Variants in SYT3 observed in about 807,000 individuals in gnomAD.
SYT3 encodes synaptotagmin 3.
SYT3 carries 25 observed loss-of-function variants against 50.6 expected under a neutral mutation model. The observed-to-expected ratio is 0.49, with a 90% CI of 0.36 to 0.69. SYT3 has a LOEUF of 0.69. SYT3 is among the 30% of genes least tolerant of loss of function. The pLI, the probability that SYT3 is intolerant of heterozygous loss-of-function variation, is 0.00. For missense variants in SYT3, 589 were observed against 793.6 expected, an observed-to-expected ratio of 0.74 and a Z score of 3.10; for synonymous variants, 323 against 353.9, an observed-to-expected ratio of 0.91 and a Z score of 0.98.
chr19:50,656,669 G>A, the SYT3 span, among the ~76,000 whole-genome samples: 10 of 152,142 alleles, frequency 6.6e-5, no homozygotes, highest in Non-Finnish European at 1.5e-4. Context: ...AAGCCCATGT[G>A]TGTCGGGTGC....
the SYT3 span, among the ~76,000 whole-genome samples, chr19:50,654,549 A>T: frequency 6.6e-6 from 1 of 151,852 alleles, no homozygotes; most frequent in East Asian, 1.9e-4. Flanking sequence ...TGCCCGCTTC[A>T]GCCTCCCAAA....
the SYT3 span, chr19:50,658,073 A>G: frequency 1.3e-6 from 2 of 1,536,010 alleles, no homozygotes; most frequent in South Asian, 2.4e-5. Flanking sequence ...GCGCGTGAGC[A>G]GCATCCGCTT....
intron 6 of SYT3, among the ~76,000 whole-genome samples, chr19:50,628,903 C>G (rs1220427068): frequency 2.0e-5 from 3 of 151,036 alleles, no homozygotes; most frequent in African/African-American, 7.3e-5. Context: ...CTGCTCACCA[C>G]AACCTCCACT....
chr19:50,640,077 G>A (rs1214308674), upstream of SYT3, among the ~76,000 whole-genome samples: 2 of 152,198 alleles, frequency 1.3e-5, no homozygotes, highest in Non-Finnish European at 2.9e-5. Context: ...CCAGGGTCCG[G>A]GGGCCCAGTT....
At chr19:50,657,852 T>G in the SYT3 span, 1 of 1,159,412 alleles carries the variant, frequency 8.6e-7, no homozygotes, top group Non-Finnish European at 1.2e-6. Flanking sequence ...TACCCTGGGA[T>G]TAAGAGCGAT....
intron 6 of SYT3, among the ~76,000 whole-genome samples, chr19:50,628,972 T>C (rs924699051): frequency 6.6e-6 from 1 of 151,994 alleles, no homozygotes; most frequent in Non-Finnish European, 1.5e-5. Flanking sequence ...TACAGGCATG[T>C]GCCACCATGC....
intron 6 of SYT3, among the ~76,000 whole-genome samples, chr19:50,629,043 C>G (rs1424377267): frequency 6.6e-6 from 1 of 151,992 alleles, no homozygotes; most frequent in African/African-American, 2.4e-5. Flanking sequence ...AGGCTGGTCT[C>G]GAACTCCCAA....
chr19:50,627,766 A>C (rs540734111), intron 6 of SYT3, among the ~76,000 whole-genome samples: 1 of 152,096 alleles, frequency 6.6e-6, no homozygotes, highest in East Asian at 1.9e-4. Flanking sequence ...AGAATGTATG[A>C]ATCAATGGAA....
intron 3 of SYT3, among the ~76,000 whole-genome samples, chr19:50,635,403 C>T (rs534420462): frequency 3.2e-4 from 49 of 152,330 alleles, no homozygotes; most frequent in African/African-American, 1.1e-3. Context: ...AAACATGAAT[C>T]CCACAAACCC....
At chr19:50,651,856 G>C in the SYT3 span, among the ~76,000 whole-genome samples, 1 of 152,134 alleles carries the variant, frequency 6.6e-6, no homozygotes, top group East Asian at 1.9e-4. Flanking sequence ...GTTGTAACTA[G>C]AAATAGTTCT....
At chr19:50,656,088 C>A in the SYT3 span, 2 of 1,536,050 alleles carry the variant, frequency 1.3e-6, no homozygotes, top group East Asian at 2.4e-5. Context: ...AGAGGAGATG[C>A]AGGCTCGGAG....
the SYT3 span, among the ~76,000 whole-genome samples, chr19:50,646,525 G>A: frequency 1.3e-5 from 2 of 152,194 alleles, no homozygotes. Context: ...GAGAGCCAGA[G>A]ATGAGTCAGG....
chr19:50,650,166 C>T, the SYT3 span, among the ~76,000 whole-genome samples: 11 of 152,140 alleles, frequency 7.2e-5, no homozygotes, highest in Non-Finnish European at 1.3e-4. Context: ...ATAACACTTC[C>T]TAGCTTCCTG....
chr19:50,649,944 G>T, the SYT3 span: 1 of 427,228 alleles, frequency 2.3e-6, no homozygotes, highest in Admixed American at 2.5e-5. Context: ...CCCTCCCACA[G>T]CCCATCAGGC....
rs367923146 is a variant in SYT3 at position 50,629,892 on chromosome 19, C to T, written c.954G>A (p.Val318=). Residue 318 remains valine (V), a synonymous_variant, in exon 5 of 11, where the codon GTG becomes GTA. Coordinates refer to ENST00000600079, the MANE Select transcript of SYT3 (RefSeq NM_001160329.2). ...GGAGGTCCAGGGCCTGCAGGATCCT[C>T]ACCACCAGCTGGTCCGAGCCATAGA... ...RYLYGSDQLV[V]RILQALDLPA... is the part of the protein sequence containing the mutation. 35 of 1,614,014 alleles carry T rather than the reference C, an allele frequency of 2.2e-5. No individual in the cohort carries two copies. Among genetic ancestry groups the T allele is most frequent in the African/African-American group, 1.9e-4 (14 of 74,930 alleles).
chr19:50,636,063 G>A (rs904540712), intron 3 of SYT3, among the ~76,000 whole-genome samples: 2 of 152,086 alleles, frequency 1.3e-5, no homozygotes, highest in Non-Finnish European at 2.9e-5. Context: ...GACCAGCCTG[G>A]CGAACAGGAT....
the SYT3 span, among the ~76,000 whole-genome samples, chr19:50,652,145 G>A: frequency 4.6e-5 from 7 of 152,140 alleles, no homozygotes; most frequent in South Asian, 2.1e-4. Context: ...CACCATGCCC[G>A]GCCTATAATT....
the SYT3 span, among the ~76,000 whole-genome samples, chr19:50,652,226 A>G: frequency 1.3e-5 from 2 of 152,310 alleles, no homozygotes; most frequent in African/African-American, 4.8e-5. Flanking sequence ...GTATTTTTTT[A>G]TAGTTGGCTT....
the SYT3 span, among the ~76,000 whole-genome samples, chr19:50,653,692 A>G: frequency 3.0e-5 from 2 of 66,866 alleles, no homozygotes; most frequent in African/African-American, 2.3e-4. Flanking sequence ...GCACACACAC[A>G]CACACACACA....
Sources: gnomAD v4.1 joint callset for allele counts (sites outside exome capture counted in the v4.1 genomes callset) on GRCh38, gnomAD v4.1.1 for gene constraint, MANE v1.5 for transcripts, NCBI Gene and HGNC (gene_info 2026-07-23, HGNC 2026-07-21) for gene names.